Variants in GRIN1 observed in about 807,000 individuals in gnomAD.
GRIN1 encodes the protein glutamate ionotropic receptor NMDA type subunit 1, also known as glutamate receptor ionotropic, NMDA 1.
Under a neutral mutation model 103.0 loss-of-function variants are expected in GRIN1, and 38 were observed. That is an observed-to-expected ratio of 0.37 (90% CI 0.28 to 0.48). GRIN1 has a LOEUF of 0.48. Among genes scored for constraint, GRIN1 ranks in the 20% least tolerant of loss-of-function variants. The probability of loss-of-function intolerance (pLI) is 0.98; values close to 1 mark genes in which losing one functional copy is unlikely to be tolerated. For missense variants in GRIN1, 577 were observed against 1,288.9 expected, an observed-to-expected ratio of 0.45 and a Z score of 8.46; for synonymous variants, 544 against 532.7, an observed-to-expected ratio of 1.02 and a Z score of -0.29.
intron 18 of GRIN1, 132 bp downstream of exon 18, chr9:137,164,036 G>A (rs1456880660): frequency 1.8e-6 from 2 of 1,108,754 alleles, no homozygotes. Flanking sequence ...ATGGCCAGGG[G>A]CAGTGGTGAG....
chr9:137,149,198 G>C (rs1218781797), intron 4 of GRIN1, 89 bp downstream of exon 4: 1 of 929,402 alleles, frequency 1.1e-6, no homozygotes, highest in Non-Finnish European at 1.7e-6. Context: ...GACATTGTTG[G>C]GCACAGTGAC....
chr9:137,148,002 G>T (rs578171357), intron 3 of GRIN1: 23 of 362,858 alleles, frequency 6.3e-5, no homozygotes, highest in Non-Finnish European at 1.2e-4. Flanking sequence ...CCCCAGCCCC[G>T]CCCCGGGCCT....
intron 19 of GRIN1, chr9:137,165,532 G>A (rs927226382): frequency 2.0e-5 from 11 of 560,812 alleles, no homozygotes; most frequent in Admixed American, 2.9e-5. Context: ...TAGTCTGCCC[G>A]CCCACCTCCC....
At chr9:137,152,166 AAAGTGCTGGGATT>A (rs1402882865) in intron 4 of GRIN1, among the ~76,000 whole-genome samples, 3 of 152,032 alleles carry the variant, frequency 2.0e-5, no homozygotes, top group Non-Finnish European at 2.9e-5. Context: ...TCGGCCTCCC[AAAGTGCTGGGATT>A]ACAGGAGTGA....
chr9:137,153,660 G>A (rs1409080483), intron 4 of GRIN1, among the ~76,000 whole-genome samples: 1 of 151,856 alleles, frequency 6.6e-6, no homozygotes, highest in Non-Finnish European at 1.5e-5. Context: ...CTACATACAT[G>A]TACACACAGC....
Position 137,163,141 on chromosome 9 carries a change from G to A in GRIN1, c.2172-28G>A, listed in dbSNP as rs778757411. 6 of 1,610,314 alleles carry A rather than the reference G, an allele frequency of 3.7e-6. No homozygotes were observed. The African/African-American group carries it at 4.0e-5, about 11-fold the overall frequency. ...GGGCTTCCAGGCTGGCAGGACCAAG[G>A]CCCCCGTGACTCCGCCTCTGCCGGC... On this transcript the variant is annotated intron_variant, in intron 15 of 19. Coordinates refer to ENST00000371561, the MANE Select transcript of GRIN1 (RefSeq NM_007327.4).
rs1256539316 is a variant in GRIN1, at chr9:137,167,134, C to T, written c.2701-277C>T. On this transcript the variant is annotated intron_variant, in intron 19 of 19. Coordinates refer to ENST00000371561, the MANE Select transcript of GRIN1 (RefSeq NM_007327.4). ...CATCACGTGGCATCTGGGGCTGGCCCCGCCCTGCAAGGCTGAACTGTGGGG... is the reference window on the plus strand; with the variant it reads ...CATCACGTGGCATCTGGGGCTGGCCTCGCCCTGCAAGGCTGAACTGTGGGG... Among the ~76,000 whole-genome samples, 3 of 152,264 alleles carry T rather than the reference C, an allele frequency of 2.0e-5. No individual in the cohort carries two copies. The East Asian group carries it at 5.8e-4, about 30-fold the overall frequency.
rs534382880 is a variant in GRIN1, at chr9:137,166,822, G to A, written c.2701-589G>A. ...CAGGAGTCCCGCAGGGAACAGGGAG[G>A]GGGAATAGCGCAGGGATCGTGGGCT... On this transcript the variant is annotated intron_variant, in intron 19 of 19. Transcript: ENST00000371561. 3.9e-5 allele frequency among the ~76,000 whole-genome samples: 6 copies of A among 152,378 alleles called. No homozygotes were observed. In the South Asian group the frequency reaches 1.2e-3, roughly 32 times the overall value.
chr9:137,158,937 C>T (rs1833383302), intron 8 of GRIN1, among the ~76,000 whole-genome samples: 1 of 152,226 alleles, frequency 6.6e-6, no homozygotes, highest in South Asian at 2.1e-4. Flanking sequence ...CAGTGCCCCT[C>T]TTGACCCAGC....
chr9:137,149,664 G>A (rs1216867001), intron 4 of GRIN1, among the ~76,000 whole-genome samples: 1 of 152,190 alleles, frequency 6.6e-6, no homozygotes, highest in Admixed American at 6.5e-5. Context: ...ACTGTAAAAA[G>A]CTCCCTATTT....
chr9:137,153,871 C>T (rs759561807), intron 4 of GRIN1, among the ~76,000 whole-genome samples: 8 of 152,292 alleles, frequency 5.3e-5, no homozygotes, highest in Non-Finnish European at 7.3e-5. Flanking sequence ...AGTGCAGTGG[C>T]GTGATCTCAG....
At chr9:137,165,370 C>T (rs1388515439) in intron 19 of GRIN1, 74 bp downstream of exon 19, 13 of 957,456 alleles carry the variant, frequency 1.4e-5, no homozygotes, top group Non-Finnish European at 2.2e-5. Flanking sequence ...CGCCCCATCA[C>T]CCCGCCCCGG....
intron 2 of GRIN1, among the ~76,000 whole-genome samples, chr9:137,144,547 T>C (rs183931765): frequency 0.021 from 3,138 of 151,436 alleles, 76 homozygotes; most frequent in African/African-American, 0.057. Context: ...CTCAGCTACT[T>C]GGGAGGCTGA....
At chr9:137,141,017 C>T (rs770158176) in intron 1 of GRIN1, among the ~76,000 whole-genome samples, 8 of 152,188 alleles carry the variant, frequency 5.3e-5, no homozygotes, top group East Asian at 3.8e-4. Context: ...GGGAGGGACA[C>T]GGAAGGTGGA....
At chr9:137,162,817 G>C in intron 14 of GRIN1, 29 bp from the exon 15 acceptor site, 1 of 1,610,040 alleles carries the variant, frequency 6.2e-7, no homozygotes. Flanking sequence ...GGGAGCCGCC[G>C]CCGCGATCCC....
chr9:137,142,044 C>T lies in GRIN1; in HGVS notation c.290C>T (p.Thr97Ile). The change falls in exon 2 of 20, where the codon ACC (threonine) becomes ATC (isoleucine). Residue 97 changes from threonine (T) to isoleucine (I), a missense_variant. Thr to Ile is a moderately conservative substitution (Grantham distance 89). Coordinates refer to ENST00000371561, the MANE Select transcript of GRIN1 (RefSeq NM_007327.4). ...GCCATCCTAGTTAGCCATCCACCTA[C>T]CCCCAACGACCACTTCACTCCCACC... ...VYAILVSHPP[T>I]PNDHFTPTPV... The T allele has an allele frequency of 6.2e-7, 1 of 1,614,096 alleles. No individual in the cohort carries two copies. The highest frequency in any genetic ancestry group is 8.5e-7 in the Non-Finnish European group (1 of 1,179,918).
At chr9:137,158,273 A>G (rs1295760025) in intron 6 of GRIN1, 106 bp from the exon 7 acceptor site, 47 of 1,253,234 alleles carry the variant, frequency 3.8e-5, no homozygotes, top group Non-Finnish European at 5.1e-5. Context: ...AGGAGCAGGG[A>G]GAAGGAGCAG....
intron 4 of GRIN1, among the ~76,000 whole-genome samples, chr9:137,152,410 A>G (rs1365267227): frequency 6.6e-6 from 1 of 152,096 alleles, no homozygotes; most frequent in Non-Finnish European, 1.5e-5. Context: ...TACCTGTTCC[A>G]CTGTTGGCCA....
intron 19 of GRIN1, chr9:137,165,541 C>T (rs1454714327): frequency 1.8e-6 from 1 of 551,592 alleles, no homozygotes; most frequent in African/African-American, 1.9e-5. Flanking sequence ...CGCCCACCTC[C>T]CCTGCCATGA....
Sources: gnomAD v4.1 joint callset for allele counts (sites outside exome capture counted in the v4.1 genomes callset) on GRCh38, gnomAD v4.1.1 for gene constraint, MANE v1.5 for transcripts, NCBI Gene and HGNC (gene_info 2026-07-23, HGNC 2026-07-21) for gene names.